RBFOX1: variants seen among roughly 807,000 people sequenced by gnomAD.
RBFOX1 encodes RNA binding protein fox-1 homolog 1.
Under a neutral mutation model 57.7 loss-of-function variants are expected in RBFOX1, and 8 were observed. The observed-to-expected ratio is 0.14, with a 90% CI of 0.08 to 0.25. The LOEUF (loss-of-function observed/expected upper bound fraction) is 0.25, where lower values mean the gene tolerates loss of function less well. Among genes scored for constraint, RBFOX1 ranks in the 10% least tolerant of loss-of-function variants. RBFOX1 has a pLI of 1.00. For missense variants in RBFOX1, 611 were observed against 548.5 expected, an observed-to-expected ratio of 1.11 and a Z score of -1.14; for synonymous variants, 326 against 222.4, an observed-to-expected ratio of 1.47 and a Z score of -4.15.
In RBFOX1 at chr16:6,019,473, C is replaced by A. The variant is rs2095026278; in HGVS notation, c.-646C>A. On this transcript the variant is annotated 5_prime_UTR_variant, in exon 1 of 16. Coordinates refer to ENST00000550418, the MANE Select transcript of RBFOX1 (RefSeq NM_018723.4). The surrounding 1 kb of genome is among the most constrained non-coding windows in gnomAD (Gnocchi z 4.2). ...GAAACCCGAACTCGCGGAGGGGAAT[C>A]CCTCCCCCTCCGCCCCAGCCCCCCA... 1.0e-6 allele frequency: 1 copy of A among 1,000,280 alleles called. No homozygotes were observed. The highest frequency in any genetic ancestry group is 1.2e-6 in the Non-Finnish European group (1 of 840,124). 62.0% of individuals were successfully genotyped at this position (1,000,280 alleles called of 1,614,324 possible). A position where few individuals can be genotyped will look rare whatever the true frequency, so the allele number is the denominator to read the frequency against.
At chr16:7,398,219 T>C (rs889832800) in intron 4 of RBFOX1, among the ~76,000 whole-genome samples, 4 of 152,228 alleles carry the variant, frequency 2.6e-5, no homozygotes, top group Non-Finnish European at 4.4e-5. Flanking sequence ...ATCAGTATCA[T>C]TGCCTGACAG....
chr16:5,593,817 G>T (rs1264311812), intron 2 of RBFOX1, among the ~76,000 whole-genome samples: 1 of 152,146 alleles, frequency 6.6e-6, no homozygotes, highest in African/African-American at 2.4e-5. Context: ...TTGCTTTACT[G>T]TGGAGTCGCC....
intron 2 of RBFOX1, among the ~76,000 whole-genome samples, chr16:6,594,302 C>T (rs529553492): frequency 3.0e-4 from 46 of 152,276 alleles, no homozygotes; most frequent in Admixed American, 2.6e-3. Flanking sequence ...CCATACTTCC[C>T]ATGACCCTGG....
At chr16:6,874,881 C>T (rs1350250305) in intron 3 of RBFOX1, among the ~76,000 whole-genome samples, 2 of 152,114 alleles carry the variant, frequency 1.3e-5, no homozygotes, top group Non-Finnish European at 2.9e-5. Context: ...ATGTAAGGAA[C>T]ATTACCTGTT....
chr16:6,552,997 C>G (rs2097021091), intron 2 of RBFOX1, among the ~76,000 whole-genome samples: 1 of 152,026 alleles, frequency 6.6e-6, no homozygotes, highest in African/African-American at 2.4e-5. Context: ...TCAGCTGCCC[C>G]CTGCAAGTTC....
intron 2 of RBFOX1, among the ~76,000 whole-genome samples, chr16:6,628,426 G>A (rs2098338722): frequency 6.6e-6 from 1 of 152,094 alleles, no homozygotes; most frequent in Non-Finnish European, 1.5e-5. Flanking sequence ...TATGAGGCTG[G>A]TTTTCAAATA....
intron 14 of RBFOX1, among the ~76,000 whole-genome samples, chr16:7,679,362 T>G (rs889902574): frequency 3.3e-5 from 5 of 152,190 alleles, no homozygotes; most frequent in African/African-American, 1.2e-4. Flanking sequence ...ATAGAATCAG[T>G]AAGTGATGGA....
intron 14 of RBFOX1, among the ~76,000 whole-genome samples, chr16:7,677,975 T>A: frequency 6.6e-6 from 1 of 152,218 alleles, no homozygotes; most frequent in East Asian, 1.9e-4. Context: ...TGGTGTTAGC[T>A]AATTGTAGCT....
At chr16:5,631,658 C>A (rs1194824126) in intron 3 of RBFOX1, among the ~76,000 whole-genome samples, 2 of 152,012 alleles carry the variant, frequency 1.3e-5, no homozygotes, top group Non-Finnish European at 2.9e-5. Flanking sequence ...TTCATGTTTC[C>A]CACCTCCTAG....
intron 3 of RBFOX1, among the ~76,000 whole-genome samples, chr16:5,727,014 T>A (rs1416904111): frequency 6.6e-6 from 1 of 152,138 alleles, no homozygotes; most frequent in Non-Finnish European, 1.5e-5. Context: ...ATCCCAGCAC[T>A]TTGGGAGGCT....
At position 6,501,743 on chromosome 16, in the gene RBFOX1, G is replaced by A. The variant is rs75297608; in HGVS notation, c.-63-152860G>A. Among the ~76,000 whole-genome samples the A allele has an allele frequency of 5.8e-3, 888 of 152,206 alleles. 6 individuals are homozygous for A. The highest frequency in any genetic ancestry group is 0.021 in the African/African-American group (860 of 41,524). ...ACCTGTACTGGGCGCTGTGCTGGGT[G>A]CCAGGCACTGCTTTTCCATATTCTT... On this transcript the variant is annotated intron_variant, in intron 2 of 15. Transcript: ENST00000550418.
chr16:6,200,760 A>G (rs2097209671), intron 1 of RBFOX1, among the ~76,000 whole-genome samples: 1 of 152,150 alleles, frequency 6.6e-6, no homozygotes, highest in South Asian at 2.1e-4. Context: ...GGGATAGACA[A>G]GGGGACTTAC....
At position 7,646,964 on chromosome 16, in the gene RBFOX1, G is replaced by GAGAC. The variant is rs58493337; in HGVS notation, c.758-6848_758-6845dup. ...AGGTGGGGGCTTTGTTTTTGAGGGG[G>GAGAC]AGACAGGCAGTTAGCAGTTGACACT... On this transcript the variant is annotated intron_variant, in intron 11 of 15. Transcript: ENST00000550418. 7.8e-3 allele frequency among the ~76,000 whole-genome samples: 1,187 copies of GAGAC among 152,162 alleles called. 13 individuals carry two copies. Among genetic ancestry groups the GAGAC allele is most frequent in the African/African-American group, 0.027 (1,110 of 41,506 alleles).
intron 1 of RBFOX1, among the ~76,000 whole-genome samples, chr16:6,073,449 C>G (rs774398317): frequency 2.0e-5 from 3 of 152,092 alleles, no homozygotes; most frequent in African/African-American, 7.2e-5. Context: ...ACTGAAAAAC[C>G]AAGGAAGTTC....
chr16:5,716,462 G>A (rs951413063), intron 3 of RBFOX1, among the ~76,000 whole-genome samples: 1 of 152,202 alleles, frequency 6.6e-6, no homozygotes, highest in African/African-American at 2.4e-5. Flanking sequence ...AAAAACCTCA[G>A]CTTCGCTGAT....
intron 4 of RBFOX1, among the ~76,000 whole-genome samples, chr16:7,339,810 A>C (rs1487000787): frequency 6.6e-6 from 1 of 151,988 alleles, no homozygotes; most frequent in Non-Finnish European, 1.5e-5. Flanking sequence ...TTAAAGGGGG[A>C]AAAAAAGCAT....
chr16:6,642,242 C>G (rs1024350474), intron 2 of RBFOX1, among the ~76,000 whole-genome samples: 1 of 152,218 alleles, frequency 6.6e-6, no homozygotes, highest in Non-Finnish European at 1.5e-5. Flanking sequence ...CAGCTGACAT[C>G]TCGAGAAGTA....
intron 3 of RBFOX1, chr16:6,705,262 C>G (rs1004920035): frequency 6.6e-6 from 1 of 152,106 alleles, no homozygotes; most frequent in African/African-American, 2.4e-5. Flanking sequence ...TGAGGTTACT[C>G]AAAACATACT....
At chr16:7,383,283 G>A (rs1191722774) in intron 4 of RBFOX1, among the ~76,000 whole-genome samples, 6 of 148,600 alleles carry the variant, frequency 4.0e-5, no homozygotes, top group South Asian at 2.1e-4. Context: ...AAAAAAAAAC[G>A]TAAAATGCAA....
Sources: allele counts gnomAD v4.1 joint callset (sites outside exome capture counted in the v4.1 genomes callset), GRCh38; gene constraint gnomAD v4.1.1; non-coding constraint Gnocchi (gnomAD v3.1); transcripts MANE v1.5; gene names NCBI Gene and HGNC (gene_info 2026-07-23, HGNC 2026-07-21).